CPEB1: variants seen among roughly 807,000 people sequenced by gnomAD.
CPEB1 encodes the protein cytoplasmic polyadenylation element-binding protein 1.
Under a neutral mutation model 65.8 loss-of-function variants are expected in CPEB1, and 7 were observed. The observed-to-expected ratio is 0.11, with a 90% CI of 0.06 to 0.20. CPEB1 has a LOEUF of 0.20. Ranked by LOEUF, CPEB1 falls within the 10% of genes least tolerant of loss-of-function variation. The probability of loss-of-function intolerance (pLI) is 1.00; values close to 1 mark genes in which losing one functional copy is unlikely to be tolerated. For synonymous variants in CPEB1, 262 were observed against 260.0 expected (o/e 1.01, Z -0.08); for missense variants, 551 against 712.2 (o/e 0.77, Z 2.58).
chr15:82,594,799 T>C (rs1432732253), intron 3 of CPEB1, among the ~76,000 whole-genome samples: 1 of 152,084 alleles, frequency 6.6e-6, no homozygotes, highest in Non-Finnish European at 1.5e-5. Context: ...TTAGAGGCCA[T>C]TGTAGGGTTA....
At position 82,589,895 on chromosome 15, in the gene CPEB1, A is replaced by G. The variant is rs566434423; in HGVS notation, c.272-18363T>C. On this transcript the variant is annotated intron_variant, in intron 3 of 12. Transcript: ENST00000684509. The stretch of plus-strand genomic sequence containing the variant: ...TATAACTATTTACACTGCATTAGGT[A>G]TAAGTAATCTAGAGATAAAGTATAT... 3.9e-5 allele frequency among the ~76,000 whole-genome samples: 6 copies of G among 152,334 alleles called. No individual in the cohort carries two copies. The South Asian group carries it at 8.3e-4, about 21-fold the overall frequency.
chr15:82,577,125 G>A (rs1042130102), intron 3 of CPEB1, among the ~76,000 whole-genome samples: 24 of 152,188 alleles, frequency 1.6e-4, no homozygotes, highest in Admixed American at 1.6e-3. Flanking sequence ...CATACTTAAA[G>A]CAAATGGTAA....
chr15:82,606,541 G>A (rs561650891), intron 3 of CPEB1, among the ~76,000 whole-genome samples: 1,405 of 110,254 alleles, frequency 0.013, 91 homozygotes, highest in Middle Eastern at 0.025. Flanking sequence ...TAGTAAGGCC[G>A]GGCGCGGTGG....
chr15:82,552,331 A>G, intron 9 of CPEB1, 149 bp downstream of exon 9: 1 of 650,724 alleles, frequency 1.5e-6, no homozygotes, highest in Non-Finnish European at 2.4e-6. Flanking sequence ...TTGAGAGGAT[A>G]CTGCTATTTT....
chr15:82,569,467 C>T (rs2039680259), intron 4 of CPEB1, among the ~76,000 whole-genome samples: 1 of 152,072 alleles, frequency 6.6e-6, no homozygotes, highest in Admixed American at 6.5e-5. Context: ...CCTCCCTGGT[C>T]GACAAAATCA....
At chr15:82,645,663 T>C (rs995792950) in intron 1 of CPEB1, among the ~76,000 whole-genome samples, 13 of 151,640 alleles carry the variant, frequency 8.6e-5, no homozygotes, top group Middle Eastern at 3.4e-3. Flanking sequence ...AGGTCAGGAG[T>C]TCGAGACCAT....
intron 1 of CPEB1, chr15:82,640,898 G>C (rs1049284888): frequency 1.4e-5 from 2 of 139,290 alleles, no homozygotes; most frequent in African/African-American, 5.3e-5. Flanking sequence ...AGATTGATCA[G>C]ATAAGGAAAA....
intron 3 of CPEB1, among the ~76,000 whole-genome samples, chr15:82,586,824 C>T (rs1418122190): frequency 6.6e-6 from 1 of 152,140 alleles, no homozygotes; most frequent in Non-Finnish European, 1.5e-5. Context: ...TATTCCTAGC[C>T]TTTGTTAACA....
At chr15:82,578,635 T>C (rs1461467644) in intron 3 of CPEB1, among the ~76,000 whole-genome samples, 1 of 151,792 alleles carries the variant, frequency 6.6e-6, no homozygotes, top group Non-Finnish European at 1.5e-5. Context: ...CGTGCACCTG[T>C]AGTCCCAGCT....
intron 3 of CPEB1, among the ~76,000 whole-genome samples, chr15:82,602,495 G>A (rs1359180151): frequency 2.6e-5 from 4 of 152,036 alleles, no homozygotes; most frequent in African/African-American, 9.7e-5. Flanking sequence ...GTTACAGTAA[G>A]GTATGATTGT....
intron 4 of CPEB1, among the ~76,000 whole-genome samples, chr15:82,567,829 C>A (rs2039406900): frequency 6.6e-6 from 1 of 152,138 alleles, no homozygotes; most frequent in African/African-American, 2.4e-5. Flanking sequence ...TAGTCTCAGT[C>A]ACCTCACTCT....
chr15:82,592,854 G>A lies in CPEB1; in HGVS notation c.272-21322C>T, dbSNP rs560634266. Among the ~76,000 whole-genome samples, 9 of 152,040 alleles carry A rather than the reference G, an allele frequency of 5.9e-5. No individual in the cohort carries two copies. The South Asian group carries it at 6.2e-4, about 11-fold the overall frequency. On this transcript the variant is annotated intron_variant, in intron 3 of 12. Transcript: ENST00000684509. ...TACTAAAAATACAAAAAAATTAGCCGGGCATGGTGGCACATGCCTGTGGTC... is the reference window on the plus strand; with the variant it reads ...TACTAAAAATACAAAAAAATTAGCCAGGCATGGTGGCACATGCCTGTGGTC...
intron 1 of CPEB1, among the ~76,000 whole-genome samples, chr15:82,643,030 C>G (rs1045182737): frequency 6.6e-6 from 1 of 152,150 alleles, no homozygotes; most frequent in Admixed American, 6.5e-5. Context: ...AAAGCCTGCA[C>G]AGACAACACC....
chr15:82,592,827 T>C (rs2042366737), intron 3 of CPEB1, among the ~76,000 whole-genome samples: 3 of 151,876 alleles, frequency 2.0e-5, no homozygotes, highest in Admixed American at 2.0e-4. Flanking sequence ...AAACCCTGTC[T>C]CTACTAAAAA....
chr15:82,610,451 G>A (rs2044020862), intron 3 of CPEB1, among the ~76,000 whole-genome samples: 1 of 152,008 alleles, frequency 6.6e-6, no homozygotes, highest in Admixed American at 6.6e-5. Flanking sequence ...AAATGCAGTG[G>A]CATCTAAGAT....
chr15:82,615,803 G>A (rs1050043194), intron 3 of CPEB1, among the ~76,000 whole-genome samples: 4 of 152,040 alleles, frequency 2.6e-5, no homozygotes, highest in Non-Finnish European at 5.9e-5. Context: ...GAAGTGTGAA[G>A]ACAATATACC....
At position 82,556,043 on chromosome 15, in the gene CPEB1, A is replaced by G. The variant is rs765897586; in HGVS notation, c.767T>C (p.Val256Ala). ...TTGCTCTTGGTCCATCCGAGACCCT[A>G]CCCCCATCTTTAAAGGGTCTCTGGG... ...GGPRDPLKMGVGSRMDQEQAA... is the reference protein window; with the variant it reads ...GGPRDPLKMGAGSRMDQEQAA... The change falls in exon 6 of 13, where the codon GTA (valine) becomes GCA (alanine). Residue 256 changes from valine to alanine, a missense_variant. Physicochemically the swap from Val to Ala is moderately conservative, Grantham distance 64. Around this residue, in one of 6 missense-constraint regions of CPEB1, gnomAD observed 128 missense variants for 129.1 expected, o/e 0.99. Transcript: ENST00000684509. 2 of 1,612,648 alleles carry G rather than the reference A, an allele frequency of 1.2e-6. No individual in the cohort carries two copies. Among genetic ancestry groups the G allele is most frequent in the African/African-American group, 1.3e-5 (1 of 74,858 alleles).
At chr15:82,644,170 T>C (rs1464183480) in intron 1 of CPEB1, among the ~76,000 whole-genome samples, 1 of 152,130 alleles carries the variant, frequency 6.6e-6, no homozygotes, top group East Asian at 1.9e-4. Context: ...TCAGCACTGC[T>C]GTACTAACAC....
chr15:82,563,288 T>A (rs1462915241), intron 4 of CPEB1, among the ~76,000 whole-genome samples: 2 of 151,922 alleles, frequency 1.3e-5, no homozygotes, highest in African/African-American at 4.8e-5. Context: ...CAAAGTAGTG[T>A]TATCAACTTT....
Sources: allele counts gnomAD v4.1 joint callset (sites outside exome capture counted in the v4.1 genomes callset), GRCh38; gene constraint gnomAD v4.1.1; regional missense constraint gnomAD v4.1.1; transcripts MANE v1.5; gene names NCBI Gene and HGNC (gene_info 2026-07-23, HGNC 2026-07-21).